Variants in TEX14 observed in about 807,000 individuals in gnomAD.
TEX14 encodes the protein inactive serine/threonine-protein kinase TEX14.
In TEX14, 168 loss-of-function variants were observed where a neutral mutation model predicts 178.6. The ratio of observed to expected loss-of-function variants is 0.94; its 90% confidence interval spans 0.83 to 1.07. The LOEUF (loss-of-function observed/expected upper bound fraction) is 1.07. TEX14 is among the 50% of genes least tolerant of loss of function. The pLI, the probability that TEX14 is intolerant of heterozygous loss-of-function variation, is 0.00. For missense variants in TEX14, 1,730 were observed against 1,753.6 expected (o/e 0.99, Z 0.24); for synonymous variants, 626 against 634.1 (o/e 0.99, Z 0.19).
At chr17:58,653,018 C>T (rs2143270001) in intron 1 of TEX14, among the ~76,000 whole-genome samples, 1 of 152,248 alleles carries the variant, frequency 6.6e-6, no homozygotes, top group Non-Finnish European at 1.5e-5. Flanking sequence ...CTCACTGCAA[C>T]CTCTGCCTCC....
chr17:58,659,319 T>A (rs532975544), intron 1 of TEX14: 21 of 981,618 alleles, frequency 2.1e-5, no homozygotes, highest in Non-Finnish European at 2.2e-5. Flanking sequence ...TTACTTAATA[T>A]TGCTAATACC....
chr17:58,638,702 C>T (rs2046497372), intron 2 of TEX14, among the ~76,000 whole-genome samples: 1 of 151,844 alleles, frequency 6.6e-6, no homozygotes. Context: ...CGACGCCTGC[C>T]TAATTTTTTG....
intron 1 of TEX14, among the ~76,000 whole-genome samples, chr17:58,657,069 A>G (rs995116246): frequency 6.6e-5 from 10 of 151,974 alleles, no homozygotes; most frequent in Non-Finnish European, 1.0e-4. Flanking sequence ...TCAGGCTCCC[A>G]AAGTTTTGGG....
Position 58,564,917 on chromosome 17 carries a change from C to G in TEX14, c.4016G>C (p.Ser1339Thr). 6.2e-7 allele frequency: 1 copy of G among 1,608,000 alleles called. No homozygotes were observed. Among genetic ancestry groups the G allele is most frequent in the Non-Finnish European group, 8.5e-7 (1 of 1,177,314 alleles). The stretch of plus-strand genomic sequence containing the variant: ...TTCAGTTTCTTTGGACAAAAGCATA[C>G]TACTATCTTCTTTTTTACTGTCAGT... ...QETDSKKEDS[S>T]MLLSKETEDL... Residue 1339 changes from serine to threonine, a missense_variant, in exon 28 of 32, where the codon AGT (serine) becomes ACT (threonine). Physicochemically the swap from Ser to Thr is moderately conservative, Grantham distance 58. This residue lies in a region of TEX14 where 941 missense variants were observed against 1,072.4 expected (regional missense o/e 0.88). Transcript: ENST00000349033.
chr17:58,607,510 C>A (rs1396621082), intron 10 of TEX14, among the ~76,000 whole-genome samples: 2 of 152,046 alleles, frequency 1.3e-5, no homozygotes, highest in East Asian at 3.9e-4. Flanking sequence ...ATCTGTTTAG[C>A]CCCATCTGTG....
At chr17:58,583,927 C>A (rs917351819) in intron 19 of TEX14, among the ~76,000 whole-genome samples, 1 of 152,160 alleles carries the variant, frequency 6.6e-6, no homozygotes, top group African/African-American at 2.4e-5. Flanking sequence ...TGATTGCAAT[C>A]CCATGTCAAT....
At chr17:58,608,635 T>A (rs951108498) in intron 10 of TEX14, among the ~76,000 whole-genome samples, 1 of 152,226 alleles carries the variant, frequency 6.6e-6, no homozygotes, top group African/African-American at 2.4e-5. Context: ...GAGCTGGTGA[T>A]GAACTCCCCA....
chr17:58,640,618 T>TGC (rs1394939225), intron 2 of TEX14, among the ~76,000 whole-genome samples: 1 of 123,242 alleles, frequency 8.1e-6, no homozygotes, highest in African/African-American at 3.3e-5. Flanking sequence ...TTCTAGTGTG[T>TGC]GTGTGTGTGT....
intron 27 of TEX14, 142 bp from the exon 28 acceptor site, chr17:58,565,110 AG>A (rs2044370833): frequency 4.3e-6 from 2 of 462,192 alleles, no homozygotes; most frequent in Non-Finnish European, 7.6e-6. Flanking sequence ...CCAGGAGAGC[AG>A]GGGGCCAGGT....
At position 58,586,090 on chromosome 17, in the gene TEX14, T is replaced by A. The variant is rs989919985; in HGVS notation, c.2789-8A>T. On this transcript the variant is annotated splice_region_variant and splice_polypyrimidine_tract_variant and intron_variant, in intron 17 of 31. Transcript: ENST00000349033. ...CCATTTCTTTCACCTCCACTGTGCATAAGAGAAAGCAGCATTTAAAACATC... is the reference window on the plus strand; with the variant it reads ...CCATTTCTTTCACCTCCACTGTGCAAAAGAGAAAGCAGCATTTAAAACATC... 6.2e-7 allele frequency: 1 copy of A among 1,604,210 alleles called. No homozygotes were observed. Among genetic ancestry groups the A allele is most frequent in the South Asian group, 1.1e-5 (1 of 90,436 alleles).
At chr17:58,609,300 G>A (rs376060011) in intron 10 of TEX14, among the ~76,000 whole-genome samples, 3 of 152,120 alleles carry the variant, frequency 2.0e-5, no homozygotes, top group Admixed American at 1.3e-4. Flanking sequence ...TAGTAGAGAC[G>A]GGGTTTCACC....
chr17:58,576,688 C>T (rs183187142), intron 21 of TEX14, among the ~76,000 whole-genome samples: 4 of 152,192 alleles, frequency 2.6e-5, no homozygotes, highest in African/African-American at 4.8e-5. Flanking sequence ...TTCCCCACCC[C>T]TTCCTTAACC....
intron 14 of TEX14, among the ~76,000 whole-genome samples, chr17:58,596,819 G>C (rs1210311116): frequency 6.6e-6 from 1 of 152,152 alleles, no homozygotes; most frequent in Non-Finnish European, 1.5e-5. Flanking sequence ...GATACAGCCT[G>C]TAGTCCCACC....
rs1429307814 is a variant in TEX14 at position 58,573,199 on chromosome 17, T to C, written c.3493A>G (p.Ser1165Gly). 1.2e-6 allele frequency: 2 copies of C among 1,614,148 alleles called. No individual in the cohort carries two copies. Among genetic ancestry groups the C allele is most frequent in the Non-Finnish European group, 1.7e-6 (2 of 1,179,982 alleles). The change falls in exon 23 of 32, where the codon AGC (serine) becomes GGC (glycine). Residue 1165 changes from serine to glycine, a missense_variant. Ser to Gly is a moderately conservative substitution (Grantham distance 56, BLOSUM62 0). This residue lies in a region of TEX14 where 941 missense variants were observed against 1,072.4 expected (regional missense o/e 0.88). Transcript: ENST00000349033. ...TGATTACCTGGGCTGAGTGGAGTGCTGACACTGGTAGGTGCATGGTTTATT... is the reference window on the plus strand; with the variant it reads ...TGATTACCTGGGCTGAGTGGAGTGCCGACACTGGTAGGTGCATGGTTTATT... ...PKINHAPTSV[S>G]TPLSPGSVSS...
rs148176036 is a variant in TEX14, at chr17:58,620,882, C to T, written c.554+768G>A. ...ACGCAGCACAGCCGTTAGGAGTTAA[C>T]GGAATCATGAACTCATCTCGCCTGA... On this transcript the variant is annotated intron_variant, in intron 5 of 31. Coordinates refer to ENST00000349033, the MANE Select transcript of TEX14 (RefSeq NM_031272.5). 6.0e-4 allele frequency among the ~76,000 whole-genome samples: 91 copies of T among 152,236 alleles called. 1 individual carries two copies. Among genetic ancestry groups the T allele is most frequent in the African/African-American group, 2.1e-3 (87 of 41,536 alleles).
chr17:58,666,830 CTTGGTG>C (rs2047221547), intron 1 of TEX14: 2 of 152,140 alleles, frequency 1.3e-5, no homozygotes, highest in Admixed American at 1.3e-4. Flanking sequence ...TATACTATAT[CTTGGTG>C]TTGGTAACAG....
intron 6 of TEX14, 160 bp from the exon 7 acceptor site, chr17:58,616,465 A>C: frequency 1.2e-6 from 1 of 837,134 alleles, no homozygotes; most frequent in Non-Finnish European, 1.8e-6. Flanking sequence ...ACAGGGTATC[A>C]CTGTCACTCA....
At chr17:58,567,822 T>G (rs2044434275) in intron 26 of TEX14, 1 of 152,176 alleles carries the variant, frequency 6.6e-6, no homozygotes, top group African/African-American at 2.4e-5. Flanking sequence ...TGTGCTGGGG[T>G]GCAGCAGCAC....
At chr17:58,689,163 C>T (rs1006173663) in intron 1 of TEX14, among the ~76,000 whole-genome samples, 4 of 152,032 alleles carry the variant, frequency 2.6e-5, no homozygotes, top group East Asian at 1.9e-4. Flanking sequence ...CTCCTGATCT[C>T]GTGATCCGCC....
Sources: gnomAD v4.1 joint callset for allele counts (sites outside exome capture counted in the v4.1 genomes callset) on GRCh38, gnomAD v4.1.1 for gene constraint, gnomAD v4.1.1 regional missense constraint, MANE v1.5 for transcripts, NCBI Gene and HGNC (gene_info 2026-07-23, HGNC 2026-07-21) for gene names.